Variants in ASB3 observed in about 807,000 individuals in gnomAD.
ASB3 encodes the protein ankyrin repeat and SOCS box protein 3.
In ASB3, 41 loss-of-function variants were observed where a neutral mutation model predicts 54.5. The observed-to-expected ratio is 0.75, with a 90% CI of 0.59 to 0.98. ASB3 has a LOEUF of 0.98. ASB3 is among the 50% of genes least tolerant of loss of function. The pLI is 0.00. For synonymous variants in ASB3, 266 were observed against 221.2 expected (o/e 1.20, Z -1.80); for missense variants, 733 against 620.0 (o/e 1.18, Z -1.94).
intron 3 of ASB3, among the ~76,000 whole-genome samples, chr2:53,741,700 CT>C (rs1671943016): frequency 6.6e-6 from 1 of 152,142 alleles, no homozygotes; most frequent in Admixed American, 6.5e-5. Flanking sequence ...TTCTGTTTTA[CT>C]TTAAAAATGA....
At chr2:53,784,343 G>A (rs1408868406) in intron 1 of ASB3, among the ~76,000 whole-genome samples, 1 of 152,162 alleles carries the variant, frequency 6.6e-6, no homozygotes, top group African/African-American at 2.4e-5. Flanking sequence ...TCTGTGACAC[G>A]TCCTTAACCT....
intron 3 of ASB3, among the ~76,000 whole-genome samples, chr2:53,744,644 A>G (rs913365204): frequency 3.3e-5 from 5 of 152,098 alleles, no homozygotes; most frequent in Non-Finnish European, 7.4e-5. Context: ...CTAAAAAAAA[A>G]CCTCCAAAGC....
chr2:53,720,904 G>A (rs1670666236), intron 5 of ASB3, among the ~76,000 whole-genome samples: 1 of 152,006 alleles, frequency 6.6e-6, no homozygotes. Flanking sequence ...TCACTTGAAG[G>A]TCAGGAGTTT....
chr2:53,752,022 C>T (rs1365442703), intron 2 of ASB3, among the ~76,000 whole-genome samples: 1 of 152,084 alleles, frequency 6.6e-6, no homozygotes, highest in Non-Finnish European at 1.5e-5. Context: ...ATTAACCTGA[C>T]AGTTTTGTGA....
intron 3 of ASB3, among the ~76,000 whole-genome samples, chr2:53,746,600 T>C (rs1374795897): frequency 1.3e-5 from 2 of 151,624 alleles, no homozygotes; most frequent in Admixed American, 1.3e-4. Context: ...AGCCTCAGCC[T>C]CCCAAGTAGC....
chr2:53,701,474 C>A (rs112315472), intron 7 of ASB3, among the ~76,000 whole-genome samples: 1 of 152,094 alleles, frequency 6.6e-6, no homozygotes, highest in South Asian at 2.1e-4. Flanking sequence ...CAAATTTCTG[C>A]AATATCTCTT....
chr2:53,679,125 A>G (rs1668233282), intron 9 of ASB3, among the ~76,000 whole-genome samples: 1 of 152,100 alleles, frequency 6.6e-6, no homozygotes, highest in Non-Finnish European at 1.5e-5. Context: ...TTTTATCCTC[A>G]GTTCCTTTAT....
chr2:53,745,249 C>T (rs1008307422), intron 3 of ASB3, among the ~76,000 whole-genome samples: 2 of 151,822 alleles, frequency 1.3e-5, no homozygotes, highest in African/African-American at 4.8e-5. Context: ...AGGGGAAGGA[C>T]AAGACAAGGG....
At chr2:53,716,421 A>G (rs554414897) in intron 6 of ASB3, 145 bp downstream of exon 6, 23 of 994,136 alleles carry the variant, frequency 2.3e-5, no homozygotes, top group African/African-American at 3.3e-5. Context: ...TGAAGGACAG[A>G]TTAGGGGTAG....
At chr2:53,673,399 G>C (rs1489575802) in intron 9 of ASB3, among the ~76,000 whole-genome samples, 1 of 152,128 alleles carries the variant, frequency 6.6e-6, no homozygotes, top group Non-Finnish European at 1.5e-5. Flanking sequence ...AAATTCTATG[G>C]GCTGACTGGG....
chr2:53,699,440 C>G (rs566807494), intron 8 of ASB3, among the ~76,000 whole-genome samples: 1 of 152,086 alleles, frequency 6.6e-6, no homozygotes. Flanking sequence ...CAAGTCATAT[C>G]GAATCAGAGT....
intron 5 of ASB3, among the ~76,000 whole-genome samples, chr2:53,718,861 G>C (rs180819170): frequency 6.6e-6 from 1 of 151,994 alleles, no homozygotes; most frequent in Admixed American, 6.5e-5. Flanking sequence ...GTAAAGGGTT[G>C]AAAAAAGATT....
chr2:53,770,958 TTC>T (rs2104142522), intron 1 of ASB3, among the ~76,000 whole-genome samples: 1 of 152,322 alleles, frequency 6.6e-6, no homozygotes, highest in Non-Finnish European at 1.5e-5. Context: ...AAATCACTCA[TTC>T]TCTCTCACTT....
At chr2:53,677,508 T>C (rs1309029129) in intron 9 of ASB3, among the ~76,000 whole-genome samples, 4 of 152,310 alleles carry the variant, frequency 2.6e-5, no homozygotes, top group South Asian at 4.1e-4. Flanking sequence ...AAAAAAACTC[T>C]GCTTTAATGC....
Position 53,710,171 on chromosome 2 carries a change from T to C in ASB3, c.980+4213A>G, listed in dbSNP as rs535629611. Among the ~76,000 whole-genome samples, 57 of 152,352 alleles carry C rather than the reference T, an allele frequency of 3.7e-4. 1 individual carries two copies. In the South Asian group the frequency reaches 0.012, roughly 32 times the overall value. On this transcript the variant is annotated intron_variant, in intron 7 of 9. Transcript: ENST00000263634. ...TCTAACCAACAGAAACTCCAGAAGCTGCATGGCTGTGCCACGCCAGTCTGC... is the reference window on the plus strand; with the variant it reads ...TCTAACCAACAGAAACTCCAGAAGCCGCATGGCTGTGCCACGCCAGTCTGC...
At chr2:53,706,472 G>A (rs1377110934) in intron 7 of ASB3, among the ~76,000 whole-genome samples, 1 of 151,048 alleles carries the variant, frequency 6.6e-6, no homozygotes, top group Non-Finnish European at 1.5e-5. Flanking sequence ...TTTTGAATCT[G>A]CTATGTTGCC....
intron 1 of ASB3, among the ~76,000 whole-genome samples, chr2:53,770,564 T>C (rs577671962): frequency 5.3e-5 from 8 of 151,074 alleles, no homozygotes; most frequent in African/African-American, 1.9e-4. Flanking sequence ...TGCCTTAAAT[T>C]ATGGAACATT....
chr2:53,770,901 C>T (rs547616436), intron 1 of ASB3, among the ~76,000 whole-genome samples: 3 of 152,300 alleles, frequency 2.0e-5, no homozygotes, highest in Admixed American at 2.0e-4. Context: ...CTTGAAGCAC[C>T]ATTACCATAT....
intron 1 of ASB3, chr2:53,767,529 A>G (rs1356721477): frequency 5.3e-6 from 1 of 189,694 alleles, no homozygotes; most frequent in Non-Finnish European, 1.1e-5. Flanking sequence ...GTTAGAAATA[A>G]GCCCAGTTCC....
Sources: gnomAD v4.1 joint callset for allele counts (sites outside exome capture counted in the v4.1 genomes callset) on GRCh38, gnomAD v4.1.1 for gene constraint, MANE v1.5 for transcripts, NCBI Gene and HGNC (gene_info 2026-07-23, HGNC 2026-07-21) for gene names.